Variants in ZFP91 observed in about 807,000 individuals in gnomAD.
The protein encoded by ZFP91 is ZFP91 zinc finger protein, atypical E3 ubiquitin ligase, also known as E3 ubiquitin-protein ligase ZFP91.
Under a neutral mutation model 63.5 loss-of-function variants are expected in ZFP91, and 7 were observed. The ratio of observed to expected loss-of-function variants is 0.11; its 90% CI spans 0.06 to 0.21. The LOEUF (loss-of-function observed/expected upper bound fraction) is 0.21. Ranked by LOEUF, ZFP91 falls within the 10% of genes least tolerant of loss-of-function variation. The pLI, the probability that ZFP91 is intolerant of heterozygous loss-of-function variation, is 1.00. For missense variants in ZFP91, 628 were observed against 736.6 expected, an observed-to-expected ratio of 0.85 and a Z score of 1.71; for synonymous variants, 330 against 272.1, an observed-to-expected ratio of 1.21 and a Z score of -2.10.
chr11:58,612,189 C>T (rs888035851), intron 6 of ZFP91, 89 bp from the exon 7 acceptor site: 2 of 1,222,426 alleles, frequency 1.6e-6, no homozygotes, highest in East Asian at 2.4e-5. Flanking sequence ...TGTTCTTTGG[C>T]CGTGTGTGTG....
Position 58,618,944 on chromosome 11 carries a change from G to T in ZFP91, c.*1238G>T. On this transcript the variant is annotated 3_prime_UTR_variant, in exon 11 of 11. Coordinates refer to ENST00000316059, the MANE Select transcript of ZFP91 (RefSeq NM_053023.5). Reference sequence around the variant, plus strand: ...ATAGATGATTGTTTCTTGTGAATTTGTTTCTTTTCCTTTTTTTTTGTCCCT... The same window carrying T: ...ATAGATGATTGTTTCTTGTGAATTTTTTTCTTTTCCTTTTTTTTTGTCCCT... 4.6e-6 allele frequency: 1 copy of T among 215,102 alleles called. No homozygotes were observed. The highest frequency in any genetic ancestry group is 9.4e-6 in the Non-Finnish European group (1 of 106,556). The allele number at this position is 215,102 out of a possible 1,614,324, so 13.3% of individuals were successfully genotyped here. A position where few individuals can be genotyped will look rare whatever the true frequency, so the allele number is the denominator to read the frequency against.
intron 2 of ZFP91, among the ~76,000 whole-genome samples, chr11:58,600,794 A>T (rs1855480180): frequency 6.6e-6 from 1 of 152,062 alleles, no homozygotes; most frequent in African/African-American, 2.4e-5. Flanking sequence ...TGGGGTTTTT[A>T]AAGGTGTTCT....
intron 2 of ZFP91, among the ~76,000 whole-genome samples, chr11:58,599,867 G>A (rs1171941033): frequency 6.6e-6 from 1 of 151,774 alleles, no homozygotes; most frequent in Non-Finnish European, 1.5e-5. Flanking sequence ...TTTTATATAT[G>A]GTATAAGGTA....
In ZFP91 at chr11:58,618,009, G is replaced by C. The variant is rs1209931745; in HGVS notation, c.*303G>C. On this transcript the variant is annotated 3_prime_UTR_variant, in exon 11 of 11. Transcript: ENST00000316059. ...GGTTCCAGCCATCAGCAGACTTCCT[G>C]CTCATCGGCAGATCCCCCTTTCCAA... The C allele has an allele frequency of 3.9e-6, 1 of 257,516 alleles. No homozygotes were observed. The highest frequency in any genetic ancestry group is 2.2e-5 in the African/African-American group (1 of 45,182). 16.0% of individuals were successfully genotyped at this position (257,516 alleles called of 1,614,324 possible).
rs181197146 is a variant in ZFP91, at chr11:58,606,122, T to C, written c.371-3708T>C. Among the ~76,000 whole-genome samples the C allele has an allele frequency of 8.8e-4, 134 of 152,158 alleles. 2 individuals carry two copies. In the East Asian group the frequency reaches 0.014, roughly 16 times the overall value. On this transcript the variant is annotated intron_variant, in intron 2 of 10. Transcript: ENST00000316059. ...TGTCGCCTATGCTGGAGTGCAATGG[T>C]GTTATCTCGGCTCACTGCACCCTCC...
At chr11:58,614,757 T>A (rs947921730) in intron 9 of ZFP91, among the ~76,000 whole-genome samples, 1 of 152,144 alleles carries the variant, frequency 6.6e-6, no homozygotes, top group Non-Finnish European at 1.5e-5. Flanking sequence ...AGGAGAAGCA[T>A]AATACTCTGC....
chr11:58,600,842 T>A (rs1855480638), intron 2 of ZFP91, among the ~76,000 whole-genome samples: 2 of 152,148 alleles, frequency 1.3e-5, no homozygotes, highest in African/African-American at 4.8e-5. Context: ...TTCCCAGTTT[T>A]TTGTGTGTTC....
chr11:58,619,934 T>C lies in ZFP91; in HGVS notation c.*2228T>C, dbSNP rs781147615. On this transcript the variant is annotated 3_prime_UTR_variant, in exon 11 of 11. Coordinates refer to ENST00000316059, the MANE Select transcript of ZFP91 (RefSeq NM_053023.5). Reference sequence around the variant, plus strand: ...ACACTTAGCTTTTTTGTCACACTTATCCTTTGTCTCCGTAAATTTCATTTG... The same window carrying C: ...ACACTTAGCTTTTTTGTCACACTTACCCTTTGTCTCCGTAAATTTCATTTG... 1.3e-5 allele frequency: 2 copies of C among 152,364 alleles called. No homozygotes were observed. Among genetic ancestry groups the C allele is most frequent in the African/African-American group, 4.8e-5 (2 of 41,594 alleles). The allele number at this position is 152,364 out of a possible 1,614,324, so 9.4% of individuals were successfully genotyped here. A position where few individuals can be genotyped will look rare whatever the true frequency, so the allele number is the denominator to read the frequency against.
In ZFP91 at chr11:58,614,342, A is replaced by G; in HGVS notation, c.1101A>G (p.Thr367=). The part of the protein sequence containing the change: ...KQLLRHAKHH[T]DQRDYICEYC... Reference sequence around the variant, plus strand: ...TTCTGCGACATGCCAAACATCATACAGGTACTTTTAAAATGTGTTTATCAA... The same window carrying G: ...TTCTGCGACATGCCAAACATCATACGGGTACTTTTAAAATGTGTTTATCAA... The change falls in exon 9 of 11, where the codon ACA becomes ACG. Residue 367 remains threonine, a splice_region_variant and synonymous_variant. Transcript: ENST00000316059. The G allele has an allele frequency of 6.2e-7, 1 of 1,603,556 alleles. No individual in the cohort carries two copies. Among genetic ancestry groups the G allele is most frequent in the Non-Finnish European group, 8.5e-7 (1 of 1,173,492 alleles).
At chr11:58,606,849 G>A (rs765359542) in intron 2 of ZFP91, among the ~76,000 whole-genome samples, 40 of 151,998 alleles carry the variant, frequency 2.6e-4, no homozygotes, top group Non-Finnish European at 5.4e-4. Context: ...CTATTGTTAA[G>A]AGTTTCCACA....
chr11:58,591,875 T>G (rs1274141584), intron 2 of ZFP91, among the ~76,000 whole-genome samples: 1 of 152,056 alleles, frequency 6.6e-6, no homozygotes, highest in African/African-American at 2.4e-5. Flanking sequence ...CAGGGAATGG[T>G]GCCATATCAG....
Position 58,610,822 on chromosome 11 carries a change from G to T in ZFP91, c.618-128G>T. ...AACAGCTAGATTTCAGTCCAATTAG[G>T]TCATTAGGATGAAAATGCTAGATGA... On this transcript the variant is annotated intron_variant, in intron 4 of 10. Transcript: ENST00000316059. 4.3e-6 allele frequency: 3 copies of T among 692,578 alleles called. No homozygotes were observed. In the South Asian group the frequency reaches 7.5e-5, roughly 17 times the overall value. 42.9% of individuals were successfully genotyped at this position (692,578 alleles called of 1,614,324 possible). A position where few individuals can be genotyped will look rare whatever the true frequency, so the allele number is the denominator to read the frequency against.
In ZFP91 at chr11:58,579,440, T is replaced by G; in HGVS notation, c.159T>G (p.Gly53=). 1 of 1,442,380 alleles carries G rather than the reference T, an allele frequency of 6.9e-7. No individual in the cohort carries two copies. The highest frequency in any genetic ancestry group is 1.4e-5 in the South Asian group (1 of 71,026). 89.3% of individuals were successfully genotyped at this position (1,442,380 alleles called of 1,614,324 possible). Residue 53 remains glycine, a synonymous_variant, in exon 1 of 11, where the codon GGT becomes GGG. Coordinates refer to ENST00000316059, the MANE Select transcript of ZFP91 (RefSeq NM_053023.5). The part of the protein sequence containing the change: ...GTTSSRVLRG[G]RDRGRAAAAA... Reference sequence around the variant, plus strand: ...CTAGCAGCCGCGTGCTGAGGGGAGGTCGGGACCGAGGCCGGGCCGCTGCGG... The same window carrying G: ...CTAGCAGCCGCGTGCTGAGGGGAGGGCGGGACCGAGGCCGGGCCGCTGCGG...
At chr11:58,597,252 T>C (rs1855418914) in intron 2 of ZFP91, among the ~76,000 whole-genome samples, 7 of 152,180 alleles carry the variant, frequency 4.6e-5, no homozygotes, top group Admixed American at 4.6e-4. Flanking sequence ...GCAGCCCTGA[T>C]CATAAACCTA....
chr11:58,606,666 T>C (rs1295427652), intron 2 of ZFP91, among the ~76,000 whole-genome samples: 1 of 152,104 alleles, frequency 6.6e-6, no homozygotes, highest in Non-Finnish European at 1.5e-5. Context: ...TTTCTGTTGT[T>C]GCCATCTTTA....
intron 1 of ZFP91, among the ~76,000 whole-genome samples, chr11:58,581,012 C>T (rs1198894255): frequency 6.6e-6 from 1 of 152,146 alleles, no homozygotes; most frequent in African/African-American, 2.4e-5. Flanking sequence ...AATTCCTTAA[C>T]CTACCCATGC....
chr11:58,610,747 TTATC>T (rs1855646257), intron 4 of ZFP91, among the ~76,000 whole-genome samples, 199 bp from the exon 5 acceptor site: 1 of 152,232 alleles, frequency 6.6e-6, no homozygotes, highest in Non-Finnish European at 1.5e-5. Context: ...CACCCTGTCT[TTATC>T]TAGGATTTAT....
intron 2 of ZFP91, among the ~76,000 whole-genome samples, chr11:58,585,751 G>A (rs192133285): frequency 3.9e-5 from 6 of 152,234 alleles, no homozygotes; most frequent in African/African-American, 1.4e-4. Context: ...ATGTACATGA[G>A]AATCTTAAGG....
Position 58,617,343 on chromosome 11 carries a change from A to C in ZFP91, c.1350A>C (p.Ala450=), listed in dbSNP as rs773043919. The change falls in exon 11 of 11, where the codon GCA becomes GCC. Residue 450 remains alanine (A), a synonymous_variant. Transcript: ENST00000316059. This position sits in a 1 kb window ranked among gnomAD's most constrained non-coding sequence, Gnocchi z 4.2. The part of the protein sequence containing the change: ...EKKDSVVAHK[A]KSHPEVLIAE... ...AGGACAGCGTAGTGGCACACAAGGC[A>C]AAAAGCCACCCTGAGGTGCTGATTG... The C allele has an allele frequency of 4.3e-6, 7 of 1,614,050 alleles. No individual in the cohort carries two copies. In the Admixed American group the frequency reaches 1.2e-4, roughly 27 times the overall value.
Sources: gnomAD v4.1 joint callset for allele counts (sites outside exome capture counted in the v4.1 genomes callset) on GRCh38, gnomAD v4.1.1 for gene constraint, Gnocchi (gnomAD v3.1) non-coding constraint, MANE v1.5 for transcripts, NCBI Gene and HGNC (gene_info 2026-07-23, HGNC 2026-07-21) for gene names.